PTPRD: variants seen among roughly 807,000 people sequenced by gnomAD.
PTPRD encodes the protein protein tyrosine phosphatase receptor type D.
Under a neutral mutation model 214.5 loss-of-function variants are expected in PTPRD, and 34 were observed. That is an observed-to-expected ratio of 0.16 (90% CI 0.12 to 0.21). The LOEUF (loss-of-function observed/expected upper bound fraction) is 0.21, where lower values mean the gene tolerates loss of function less well. Ranked by LOEUF, PTPRD falls within the 10% of genes least tolerant of loss-of-function variation. The pLI, the probability that PTPRD is intolerant of heterozygous loss-of-function variation, is 1.00. For missense variants in PTPRD, 2,545 were observed against 2,398.7 expected, an observed-to-expected ratio of 1.06 and a Z score of -1.27; for synonymous variants, 1,128 against 845.7, an observed-to-expected ratio of 1.33 and a Z score of -5.79.
At chr9:8,338,865 G>GAGAGAGAGAGAGA (rs1554723226) in intron 43 of PTPRD, 57 bp downstream of exon 43, 7,580 of 1,497,800 alleles carry the variant, frequency 5.1e-3, no homozygotes, top group South Asian at 6.6e-3. Context: ...GAGAGAGAGA[G>GAGAGAGAGAGAGA]GTATCTTAGA....
At chr9:8,765,511 G>A (rs898618924) in intron 11 of PTPRD, among the ~76,000 whole-genome samples, 2 of 152,068 alleles carry the variant, frequency 1.3e-5, no homozygotes, top group African/African-American at 4.8e-5. Context: ...GTTAGAAGCG[G>A]GTATTATCAG....
At chr9:9,523,988 C>T (rs890807964) in intron 8 of PTPRD, among the ~76,000 whole-genome samples, 7 of 152,304 alleles carry the variant, frequency 4.6e-5, no homozygotes, top group Middle Eastern at 6.8e-3. Flanking sequence ...CCCTCAGCCA[C>T]AGCCATCAAT....
intron 7 of PTPRD, among the ~76,000 whole-genome samples, chr9:9,579,632 C>T (rs1376041749): frequency 1.3e-5 from 2 of 152,192 alleles, no homozygotes; most frequent in African/African-American, 4.8e-5. Context: ...GTTCCCCTCC[C>T]TGTATGTTCA....
intron 4 of PTPRD, among the ~76,000 whole-genome samples, chr9:9,956,342 A>G (rs1246972868): frequency 6.6e-6 from 1 of 151,720 alleles, no homozygotes; most frequent in Admixed American, 6.6e-5. Context: ...TAGTGTAGTG[A>G]TTTAATTGAG....
intron 9 of PTPRD, among the ~76,000 whole-genome samples, chr9:9,235,665 G>C (rs984709939): frequency 6.6e-6 from 1 of 152,074 alleles, no homozygotes; most frequent in African/African-American, 2.4e-5. Flanking sequence ...GTTATTCTCA[G>C]ACAACCAACA....
intron 7 of PTPRD, among the ~76,000 whole-genome samples, chr9:9,665,369 G>C (rs1001298398): frequency 1.3e-4 from 19 of 151,764 alleles, no homozygotes; most frequent in African/African-American, 4.3e-4. Flanking sequence ...GATTGCATCA[G>C]AGTATTTTTA....
intron 33 of PTPRD, among the ~76,000 whole-genome samples, chr9:8,455,802 G>A (rs1457505019): frequency 6.6e-6 from 1 of 152,132 alleles, no homozygotes; most frequent in African/African-American, 2.4e-5. Context: ...CTTTATCAGG[G>A]AATCAGTTGT....
chr9:9,823,504 A>G (rs1410620571), intron 5 of PTPRD, among the ~76,000 whole-genome samples: 1 of 152,156 alleles, frequency 6.6e-6, no homozygotes, highest in African/African-American at 2.4e-5. Flanking sequence ...GGCTAGGGAC[A>G]AATATCCAAA....
intron 4 of PTPRD, among the ~76,000 whole-genome samples, chr9:10,028,588 A>G (rs1567179289): frequency 6.6e-6 from 1 of 152,132 alleles, no homozygotes; most frequent in African/African-American, 2.4e-5. Flanking sequence ...CTTGTTGGGA[A>G]CTGGAGCAAA....
intron 11 of PTPRD, among the ~76,000 whole-genome samples, chr9:8,865,189 C>T (rs2154546507): frequency 6.6e-6 from 1 of 152,174 alleles, no homozygotes; most frequent in Non-Finnish European, 1.5e-5. Context: ...AGGGACAGTC[C>T]AAATTTTTCA....
At chr9:10,547,699 T>TTA (rs577218359) in intron 2 of PTPRD, among the ~76,000 whole-genome samples, 2,929 of 149,326 alleles carry the variant, frequency 0.02, 32 homozygotes, top group South Asian at 0.046. Context: ...TACATATATG[T>TTA]TATATATATA....
At chr9:9,467,924 C>A (rs1411332546) in intron 8 of PTPRD, among the ~76,000 whole-genome samples, 3 of 152,082 alleles carry the variant, frequency 2.0e-5, no homozygotes, top group Admixed American at 2.0e-4. Context: ...AGATTTTGCA[C>A]ACATGTTCAT....
intron 12 of PTPRD, among the ~76,000 whole-genome samples, chr9:8,716,549 C>T (rs576450856): frequency 6.6e-6 from 1 of 151,308 alleles, no homozygotes; most frequent in African/African-American, 2.5e-5. Context: ...AGAGGCCCTA[C>T]ACAGAGATTG....
At chr9:9,271,698 C>T (rs1199536410) in intron 9 of PTPRD, among the ~76,000 whole-genome samples, 1 of 151,216 alleles carries the variant, frequency 6.6e-6, no homozygotes, top group African/African-American at 2.4e-5. Flanking sequence ...TTTGCCTTGA[C>T]CTTTTATAAT....
intron 14 of PTPRD, among the ~76,000 whole-genome samples, chr9:8,580,675 T>C (rs12683419): frequency 0.21 from 31,388 of 152,082 alleles, 3,279 homozygotes; most frequent in Middle Eastern, 0.33. Context: ...AATTGTGTAA[T>C]TATTGGAATA....
At chr9:9,527,003 A>G (rs1278197616) in intron 8 of PTPRD, among the ~76,000 whole-genome samples, 3 of 152,118 alleles carry the variant, frequency 2.0e-5, no homozygotes, top group African/African-American at 7.2e-5. Context: ...ACATCTCCTT[A>G]TTATTTTTAC....
chr9:9,785,931 G>T (rs541474787), intron 5 of PTPRD, among the ~76,000 whole-genome samples: 1 of 152,120 alleles, frequency 6.6e-6, no homozygotes. Flanking sequence ...ATGAAATGAA[G>T]GCAACATGCT....
chr9:9,796,797 G>A (rs1482653808), intron 5 of PTPRD, among the ~76,000 whole-genome samples: 2 of 152,124 alleles, frequency 1.3e-5, no homozygotes, highest in African/African-American at 4.8e-5. Context: ...CTAGTGTTTT[G>A]GGGTTCCTTT....
At chr9:8,588,866 C>G (rs1255613325) in intron 14 of PTPRD, among the ~76,000 whole-genome samples, 6 of 152,066 alleles carry the variant, frequency 3.9e-5, no homozygotes, top group Non-Finnish European at 8.8e-5. Flanking sequence ...AAAGGATAAT[C>G]TGGATAATTG....
Sources: allele counts gnomAD v4.1 joint callset (sites outside exome capture counted in the v4.1 genomes callset), GRCh38; gene constraint gnomAD v4.1.1; transcripts MANE v1.5; gene names NCBI Gene and HGNC (gene_info 2026-07-23, HGNC 2026-07-21).